The following CD40LG variants were observed in gnomAD, a reference collection of about 807,000 sequenced individuals.
CD40LG encodes the protein CD40 antigen ligand.
A neutral mutation model predicts 17.2 loss-of-function variants in CD40LG; 1 was observed. That is an observed-to-expected ratio of 0.06 (90% confidence interval 0.02 to 0.28). The LOEUF is 0.28. CD40LG is among the 10% of genes least tolerant of loss of function. The pLI is 1.00. For missense variants in CD40LG, 133 were observed against 193.2 expected (o/e 0.69, Z 1.85); for synonymous variants, 66 against 74.4 (o/e 0.89, Z 0.58).
intron 2 of CD40LG, among the ~76,000 whole-genome samples, chrX:136,652,305 C>T (rs1309485560): frequency 9.0e-6 from 1 of 111,527 alleles, no homozygotes; most frequent in African/African-American, 3.3e-5. Context: ...TTCCAATACG[C>T]TTTCCCCCAA....
intron 1 of CD40LG, among the ~76,000 whole-genome samples, chrX:136,649,011 C>G (rs1376938564): frequency 8.9e-6 from 1 of 112,146 alleles, no homozygotes; most frequent in Non-Finnish European, 1.9e-5. Context: ...TGCTCAGTCT[C>G]CCTCTGAGAT....
rs1245452261 is a variant in CD40LG at position 136,659,191 on chromosome X, C to T, written c.562C>T (p.Pro188Ser). Residue 188 changes from proline (P) to serine (S), a missense_variant, in exon 5 of 5, where the codon CCA becomes TCA. Pro to Ser is a moderately conservative substitution (Grantham distance 74). Coordinates refer to ENST00000370629, the MANE Select transcript of CD40LG (RefSeq NM_000074.3). ...CSNREASSQA[P>S]FIASLCLKSP... Reference sequence around the variant, plus strand: ...CAATCGGGAAGCTTCGAGTCAAGCTCCATTTATAGCCAGCCTCTGCCTAAA... The same window carrying T: ...CAATCGGGAAGCTTCGAGTCAAGCTTCATTTATAGCCAGCCTCTGCCTAAA... The T allele has an allele frequency of 1.7e-6, 2 of 1,211,359 alleles. No individual in the cohort carries two copies. The highest frequency in any genetic ancestry group is 2.2e-6 in the Non-Finnish European group (2 of 894,991).
Position 136,660,105 on chromosome X carries a change from A to AACACACACACACAC in CD40LG, c.*730_*743dup, listed in dbSNP as rs56074249. On this transcript the variant is annotated 3_prime_UTR_variant, in exon 5 of 5. Transcript: ENST00000370629. ...GTCTCTCTTCTCAATCCCCCTTTCT[A>AACACACACACACAC]ACACACACACACACACACACACACA... is the stretch of plus-strand genomic sequence containing the variant. The AACACACACACACAC allele has an allele frequency of 2.6e-5, 1 of 37,982 alleles. No individual in the cohort carries two copies. The highest frequency in any genetic ancestry group is 9.0e-5 in the African/African-American group (1 of 11,090). 3.1% of individuals were successfully genotyped at this position (37,982 alleles called of 1,213,427 possible). A position where few individuals can be genotyped will look rare whatever the true frequency, so the allele number is the denominator to read the frequency against.
In CD40LG at chrX:136,659,252, C is replaced by G. The variant is rs2076127609; in HGVS notation, c.623C>G (p.Ala208Gly). ...AGATTCGAGAGAATCTTACTCAGAGCTGCAAATACCCACAGTTCCGCCAAA... is the reference window on the plus strand; with the variant it reads ...AGATTCGAGAGAATCTTACTCAGAGGTGCAAATACCCACAGTTCCGCCAAA... ...PGRFERILLRAANTHSSAKPC... is the reference protein window; with the variant it reads ...PGRFERILLRGANTHSSAKPC... The change falls in exon 5 of 5, where the codon GCT (alanine) becomes GGT (glycine). Residue 208 changes from alanine (A) to glycine (G), a missense_variant. Transcript: ENST00000370629. 1.7e-6 allele frequency: 2 copies of G among 1,210,097 alleles called. No individual in the cohort carries two copies. The highest frequency in any genetic ancestry group is 1.8e-5 in the South Asian group (1 of 56,843).
Position 136,659,068 on chromosome X carries a change from A to G in CD40LG, c.439A>G (p.Thr147Ala), listed in dbSNP as rs763722482. The change falls in exon 5 of 5, where the codon ACC becomes GCC. Residue 147 changes from threonine to alanine, a missense_variant. Transcript: ENST00000370629. The part of the protein sequence containing the change: ...VLQWAEKGYY[T>A]MSNNLVTLEN... The stretch of plus-strand genomic sequence containing the variant: ...ACAGTGGGCTGAAAAAGGATACTAC[A>G]CCATGAGCAACAACTTGGTAACCCT... The G allele has an allele frequency of 8.3e-7, 1 of 1,209,737 alleles. No homozygotes were observed.
rs1004051141 is a variant in CD40LG at position 136,654,374 on chromosome X, A to G, written c.290A>G (p.Asp97Gly). The change falls in exon 3 of 5, where the codon GAT (aspartate) becomes GGT (glycine). Residue 97 changes from aspartate to glycine, a missense_variant and splice_region_variant. Transcript: ENST00000370629. ...IKSQFEGFVK[D>G]IMLNKEETKK... ...CTCTTGCAATGCTTCTTATTTTAGGATATAATGTTAAACAAAGAGGAGACG... is the reference window on the plus strand; with the variant it reads ...CTCTTGCAATGCTTCTTATTTTAGGGTATAATGTTAAACAAAGAGGAGACG... The G allele has an allele frequency of 7.6e-6, 9 of 1,188,544 alleles. No individual in the cohort carries two copies. The highest frequency in any genetic ancestry group is 9.1e-6 in the Non-Finnish European group (8 of 875,320).
At chrX:136,650,533 A>G in intron 2 of CD40LG, 136 bp downstream of exon 2, 2 of 548,874 alleles carry the variant, frequency 3.6e-6, no homozygotes, top group Non-Finnish European at 6.3e-6. Context: ...ATATATATGC[A>G]TGCAGATATA....
intron 2 of CD40LG, among the ~76,000 whole-genome samples, chrX:136,650,896 A>G (rs1164682779): frequency 9.0e-6 from 1 of 110,927 alleles, no homozygotes; most frequent in Admixed American, 9.5e-5. Flanking sequence ...TGACAGTGAG[A>G]TCTTTCCCTT....
intron 3 of CD40LG, 136 bp from the exon 4 acceptor site, chrX:136,656,220 G>A: frequency 3.7e-6 from 2 of 542,841 alleles, no homozygotes; most frequent in Non-Finnish European, 6.6e-6. Flanking sequence ...TGGGAGAGAT[G>A]TCAGACCATT....
Position 136,648,199 on chromosome X carries a change from G to T in CD40LG, c.-50G>T, listed in dbSNP as rs764073792. The T allele has an allele frequency of 9.6e-7, 1 of 1,036,617 alleles. No individual in the cohort carries two copies. The highest frequency in any genetic ancestry group is 1.4e-6 in the Non-Finnish European group (1 of 736,412). 85.4% of individuals were successfully genotyped at this position (1,036,617 alleles called of 1,213,427 possible). On this transcript the variant is annotated 5_prime_UTR_variant, in exon 1 of 5. Coordinates refer to ENST00000370629, the MANE Select transcript of CD40LG (RefSeq NM_000074.3). ...GCCACTTTGACAGTCTTCTCATGCT[G>T]CCTCTGCCACCTTCTCTGCCAGAAG...
chrX:136,649,825 T>C (rs1469078084), intron 1 of CD40LG, among the ~76,000 whole-genome samples: 2 of 112,627 alleles, frequency 1.8e-5, no homozygotes, highest in Non-Finnish European at 3.8e-5. Context: ...AACTGACACA[T>C]TGCAAATTAA....
chrX:136,658,477 T>A (rs920252557), intron 4 of CD40LG, among the ~76,000 whole-genome samples: 2 of 111,810 alleles, frequency 1.8e-5, no homozygotes, highest in Non-Finnish European at 3.8e-5. Flanking sequence ...CTAATTTTAG[T>A]CCTTGCTGGG....
At chrX:136,650,800 C>T (rs948405991) in intron 2 of CD40LG, among the ~76,000 whole-genome samples, 2 of 111,706 alleles carry the variant, frequency 1.8e-5, no homozygotes, top group Non-Finnish European at 3.8e-5. Flanking sequence ...TCAACAGCTG[C>T]CGTGGCAGCA....
At chrX:136,654,547 A>G in intron 3 of CD40LG, 117 bp downstream of exon 3, 1 of 546,042 alleles carries the variant, frequency 1.8e-6, no homozygotes, top group South Asian at 2.7e-5. Context: ...CCTGGAAATA[A>G]AACAGGAACA....
At chrX:136,651,111 C>T (rs1291049497) in intron 2 of CD40LG, among the ~76,000 whole-genome samples, 1 of 111,568 alleles carries the variant, frequency 9.0e-6, no homozygotes, top group Non-Finnish European at 1.9e-5. Context: ...ATAACAGATA[C>T]CTAAAACAAG....
chrX:136,650,557 G>C (rs1215586005), intron 2 of CD40LG, among the ~76,000 whole-genome samples, 160 bp downstream of exon 2: 5 of 106,336 alleles, frequency 4.7e-5, no homozygotes, highest in Non-Finnish European at 9.6e-5. Flanking sequence ...ACATACATGG[G>C]TGTGTGTGTG....
chrX:136,651,631 G>A (rs1368548834), intron 2 of CD40LG, among the ~76,000 whole-genome samples: 2 of 111,618 alleles, frequency 1.8e-5, no homozygotes, highest in African/African-American at 3.3e-5. Flanking sequence ...GAGTTTCTTC[G>A]GTTCTTCGAG....
At chrX:136,652,791 C>T (rs1326858831) in intron 2 of CD40LG, among the ~76,000 whole-genome samples, 5 of 111,710 alleles carry the variant, frequency 4.5e-5, no homozygotes, top group Non-Finnish European at 7.5e-5. Flanking sequence ...CCAATGCCTG[C>T]GATGCCTTTG....
chrX:136,655,961 G>C (rs2076117923), intron 3 of CD40LG, among the ~76,000 whole-genome samples: 1 of 112,318 alleles, frequency 8.9e-6, no homozygotes, highest in Admixed American at 9.4e-5. Flanking sequence ...AGTTCAGCCA[G>C]TTGCTTGACC....
Sources: gnomAD v4.1 joint callset for allele counts (sites outside exome capture counted in the v4.1 genomes callset) on GRCh38, gnomAD v4.1.1 for gene constraint, MANE v1.5 for transcripts, NCBI Gene and HGNC (gene_info 2026-07-23, HGNC 2026-07-21) for gene names.